The following FAM174B variants were observed in gnomAD, a reference collection of about 807,000 sequenced individuals.
FAM174B encodes membrane protein FAM174B.
Under a neutral mutation model 10.9 loss-of-function variants are expected in FAM174B, and 12 were observed. That is an observed-to-expected ratio of 1.10 (90% CI 0.71 to 1.79). The LOEUF is 1.79. Ranked by LOEUF, FAM174B falls within the 40% of genes most tolerant of loss-of-function variation. FAM174B has a pLI of 0.00. For missense variants in FAM174B, 266 were observed against 233.3 expected, an observed-to-expected ratio of 1.14 and a Z score of -0.91; for synonymous variants, 132 against 115.8, an observed-to-expected ratio of 1.14 and a Z score of -0.90.
intron 1 of FAM174B, among the ~76,000 whole-genome samples, chr15:92,646,459 A>G (rs149560938): frequency 1.3e-5 from 2 of 152,216 alleles, no homozygotes; most frequent in East Asian, 3.9e-4. Flanking sequence ...CCAAAATTGA[A>G]ATTCTAAGCC....
intron 1 of FAM174B, among the ~76,000 whole-genome samples, chr15:92,638,794 C>A (rs150274453): frequency 1.9e-3 from 285 of 152,312 alleles, no homozygotes; most frequent in Middle Eastern, 6.8e-3. Context: ...GACATCGCAA[C>A]CAGGCTGGGT....
intron 1 of FAM174B, among the ~76,000 whole-genome samples, chr15:92,635,159 CCACACACACCCACA>C (rs1435977720): frequency 0.087 from 1,818 of 20,948 alleles, 31 homozygotes; most frequent in Middle Eastern, 0.2. Context: ...CACTATCTCT[CCACACACACCCACA>C]CACACACACA....
intron 1 of FAM174B, among the ~76,000 whole-genome samples, chr15:92,646,975 G>A (rs1461585423): frequency 2.0e-5 from 3 of 152,204 alleles, no homozygotes; most frequent in Non-Finnish European, 2.9e-5. Context: ...AGGATCTCCT[G>A]AGGGCTGAGT....
chr15:92,637,738 C>T (rs1442238230), intron 1 of FAM174B, among the ~76,000 whole-genome samples: 1 of 152,216 alleles, frequency 6.6e-6, no homozygotes, highest in African/African-American at 2.4e-5. Context: ...GGCAACTGCA[C>T]CTCCCAGAAC....
chr15:92,655,348 G>C lies in FAM174B; in HGVS notation c.312C>G (p.Leu104=). The change falls in exon 1 of 3, where the codon CTC becomes CTG. Residue 104 remains leucine, a synonymous_variant. Coordinates refer to ENST00000327355, the MANE Select transcript of FAM174B (RefSeq NM_207446.3). ...AVIVAFAFTT[L]LIACLLLRVF... Reference sequence around the variant, plus strand: ...CGCGCAGCAGCAGGCAGGCGATGAGGAGGGTGGTAAAGGCGAACGCCACGA... The same window carrying C: ...CGCGCAGCAGCAGGCAGGCGATGAGCAGGGTGGTAAAGGCGAACGCCACGA... 6.3e-7 allele frequency: 1 copy of C among 1,584,204 alleles called. No individual in the cohort carries two copies.
chr15:92,655,120 A>G (rs975532178), intron 1 of FAM174B, 196 bp downstream of exon 1: 6 of 623,458 alleles, frequency 9.6e-6, no homozygotes, highest in Non-Finnish European at 1.2e-5. Context: ...GAAAATTCCT[A>G]AAACATGTAC....
intron 1 of FAM174B, chr15:92,639,375 G>T (rs2050875791): frequency 6.6e-6 from 1 of 152,238 alleles, no homozygotes. Context: ...AAATTAATCT[G>T]CAAGCTCAGT....
At chr15:92,636,150 A>T (rs8032152) in intron 1 of FAM174B, among the ~76,000 whole-genome samples, 30,549 of 150,410 alleles carry the variant, frequency 0.2, 4,074 homozygotes, top group African/African-American at 0.38. Context: ...CGTGTCTTTT[A>T]AAATAATAGT....
At position 92,618,994 on chromosome 15, in the gene FAM174B, T is replaced by G. The variant is rs925354086; in HGVS notation, c.*462A>C. On this transcript the variant is annotated 3_prime_UTR_variant, in exon 3 of 3. Transcript: ENST00000327355. ...ACCAAGCCAAAAAAGCAGCAAAGGA[T>G]CAGATGGGGTCCAATGTGTAGATCC... The G allele has an allele frequency of 4.7e-5, 28 of 595,340 alleles. No individual in the cohort carries two copies. In the African/African-American group the frequency reaches 5.2e-4, roughly 11 times the overall value. The allele number at this position is 595,340 out of a possible 1,614,324, so 36.9% of individuals were successfully genotyped here. A position where few individuals can be genotyped will look rare whatever the true frequency, so the allele number is the denominator to read the frequency against.
rs774385652 is a variant in FAM174B at position 92,655,470 on chromosome 15, C to T, written c.190G>A (p.Gly64Ser). Residue 64 changes from glycine to serine, a missense_variant, in exon 1 of 3, where the codon GGC (glycine) becomes AGC (serine). Gly to Ser is a moderately conservative substitution (Grantham distance 56). Coordinates refer to ENST00000327355, the MANE Select transcript of FAM174B (RefSeq NM_207446.3). ...CTGTTGGAGCTGGAGCTGCCGCTGC[C>T]GCCCGCCGCCCCAGACCCAAACCGG... is the stretch of plus-strand genomic sequence containing the variant. ...TTRFGSGAAG[G>S]SGSSSSNSSG... is the part of the protein sequence containing the mutation. 1.9e-5 allele frequency: 29 copies of T among 1,555,948 alleles called. No homozygotes were observed. The highest frequency in any genetic ancestry group is 1.7e-4 in the African/African-American group (12 of 71,490).
At chr15:92,652,273 G>A (rs1349109442) in intron 1 of FAM174B, among the ~76,000 whole-genome samples, 1 of 152,214 alleles carries the variant, frequency 6.6e-6, no homozygotes, top group Non-Finnish European at 1.5e-5. Flanking sequence ...GAAGCACAGA[G>A]GGGCCCTAGC....
At chr15:92,641,900 C>G (rs1343185471) in intron 1 of FAM174B, among the ~76,000 whole-genome samples, 8 of 152,204 alleles carry the variant, frequency 5.3e-5, no homozygotes, top group Non-Finnish European at 1.2e-4. Flanking sequence ...GGAGGAATCA[C>G]TTGCAAACTA....
At chr15:92,629,089 C>CA (rs2050773483) in intron 2 of FAM174B, among the ~76,000 whole-genome samples, 1 of 151,940 alleles carries the variant, frequency 6.6e-6, no homozygotes, top group Non-Finnish European at 1.5e-5. Flanking sequence ...CAAGGACCGC[C>CA]AAGGCTGTGC....
intron 1 of FAM174B, among the ~76,000 whole-genome samples, chr15:92,640,630 A>T (rs1473427713): frequency 2.7e-5 from 4 of 149,504 alleles, no homozygotes; most frequent in Non-Finnish European, 5.9e-5. Context: ...ACTCATCATA[A>T]ATTTTGGTTT....
chr15:92,652,408 C>T (rs2050972337), intron 1 of FAM174B, among the ~76,000 whole-genome samples: 1 of 152,132 alleles, frequency 6.6e-6, no homozygotes, highest in Non-Finnish European at 1.5e-5. Flanking sequence ...TCAGGCCACG[C>T]AGTGCCTCCA....
intron 2 of FAM174B, among the ~76,000 whole-genome samples, chr15:92,624,532 A>G (rs976035547): frequency 6.6e-6 from 1 of 152,086 alleles, no homozygotes; most frequent in Non-Finnish European, 1.5e-5. Context: ...GTTTTCCCAT[A>G]CTCCCTGCCT....
chr15:92,646,039 C>T (rs914232825), intron 1 of FAM174B, among the ~76,000 whole-genome samples: 1 of 150,662 alleles, frequency 6.6e-6, no homozygotes, highest in Non-Finnish European at 1.5e-5. Context: ...CTTCTCTATG[C>T]CCTTCAGGAC....
At chr15:92,654,319 C>A (rs1238662057) in intron 1 of FAM174B, among the ~76,000 whole-genome samples, 1 of 152,180 alleles carries the variant, frequency 6.6e-6, no homozygotes, top group Non-Finnish European at 1.5e-5. Flanking sequence ...ACTGTGTGTA[C>A]GCTTGGAAGC....
intron 2 of FAM174B, chr15:92,627,552 T>C (rs978868385): frequency 6.5e-6 from 1 of 152,708 alleles, no homozygotes; most frequent in Non-Finnish European, 1.5e-5. Context: ...AAACAGCCTA[T>C]AAAGAGAATT....
Sources: gnomAD v4.1 joint callset for allele counts (sites outside exome capture counted in the v4.1 genomes callset) on GRCh38, gnomAD v4.1.1 for gene constraint, MANE v1.5 for transcripts, NCBI Gene and HGNC (gene_info 2026-07-23, HGNC 2026-07-21) for gene names.